Variants in MLLT1 observed in about 807,000 individuals in gnomAD.
The protein encoded by MLLT1 is MLLT1 super elongation complex subunit.
In MLLT1, 11 loss-of-function variants were observed where a neutral mutation model predicts 55.1. The ratio of observed to expected loss-of-function variants is 0.20; its 90% CI spans 0.13 to 0.33. The LOEUF is 0.33. Among genes scored for constraint, MLLT1 ranks in the 10% least tolerant of loss-of-function variants. The probability of loss-of-function intolerance (pLI) is 1.00; values close to 1 mark genes in which losing one functional copy is unlikely to be tolerated. For synonymous variants in MLLT1, 323 were observed against 320.1 expected (o/e 1.01, Z -0.10); for missense variants, 536 against 760.6 (o/e 0.70, Z 3.47).
At chr19:6,214,309 C>T (rs1376771208) in intron 8 of MLLT1, among the ~76,000 whole-genome samples, 2 of 152,222 alleles carry the variant, frequency 1.3e-5, no homozygotes, top group Non-Finnish European at 1.5e-5. Flanking sequence ...GACACAAAGC[C>T]CCCCAGCCAA....
chr19:6,275,818 G>A (rs1600222940), intron 1 of MLLT1, among the ~76,000 whole-genome samples: 1 of 152,320 alleles, frequency 6.6e-6, no homozygotes, highest in Non-Finnish European at 1.5e-5. Context: ...CCCCTTTATA[G>A]GGTCTGCAGA....
Position 6,212,917 on chromosome 19 carries a change from C to T in MLLT1, c.*125G>A, listed in dbSNP as rs544558306. On this transcript the variant is annotated 3_prime_UTR_variant, in exon 12 of 12. Coordinates refer to ENST00000252674, the MANE Select transcript of MLLT1 (RefSeq NM_005934.4). ...GCCGAGGAAAGTGCAGCGGGCTGTG[C>T]GGGCGAGGACAGGGCTGTCGCTAAG... 5.6e-5 allele frequency: 70 copies of T among 1,244,014 alleles called. No individual in the cohort carries two copies. The highest frequency in any genetic ancestry group is 1.2e-4 in the East Asian group (5 of 40,458). The allele number at this position is 1,244,014 out of a possible 1,614,324, so 77.1% of individuals were successfully genotyped here.
At chr19:6,214,085 CCCCCA>C (rs773164940) in intron 8 of MLLT1, 47 bp from the exon 9 acceptor site, 2 of 1,226,452 alleles carry the variant, frequency 1.6e-6, no homozygotes, top group Non-Finnish European at 2.2e-6. Context: ...GCCACCACGG[CCCCCA>C]CCCCACCCCC....
chr19:6,250,112 A>G (rs968225069), intron 3 of MLLT1, among the ~76,000 whole-genome samples: 1 of 152,268 alleles, frequency 6.6e-6, no homozygotes, highest in Non-Finnish European at 1.5e-5. Flanking sequence ...GAATAGACGT[A>G]TCTTCAAAAC....
rs376611350 is a variant in MLLT1, at chr19:6,225,502, G to A, written c.546+1475C>T. On this transcript the variant is annotated intron_variant, in intron 5 of 11. Transcript: ENST00000252674. ...CCATGGTGGGGCCGACAGCTCATTCGCCAGGCTAGGGCTCGGGGCAGAGGG... is the reference window on the plus strand; with the variant it reads ...CCATGGTGGGGCCGACAGCTCATTCACCAGGCTAGGGCTCGGGGCAGAGGG... Among the ~76,000 whole-genome samples the A allele has an allele frequency of 5.9e-5, 9 of 152,302 alleles. No homozygotes were observed. The East Asian group carries it at 1.5e-3, about 26-fold the overall frequency.
At position 6,221,847 on chromosome 19, in the gene MLLT1, G is replaced by A. The variant is rs2090900598; in HGVS notation, c.1110+274C>T. 2.0e-5 allele frequency among the ~76,000 whole-genome samples: 3 copies of A among 152,202 alleles called. No individual in the cohort carries two copies. The South Asian group carries it at 6.2e-4, about 31-fold the overall frequency. ...TGGAGGAGGGGAGCTCAGAACCTCA[G>A]GACCACACCATCATGCTTTACCAGA... On this transcript the variant is annotated intron_variant, in intron 6 of 11. Coordinates refer to ENST00000252674, the MANE Select transcript of MLLT1 (RefSeq NM_005934.4).
At chr19:6,275,365 G>A (rs1254679821) in intron 1 of MLLT1, among the ~76,000 whole-genome samples, 1 of 152,128 alleles carries the variant, frequency 6.6e-6, no homozygotes, top group Non-Finnish European at 1.5e-5. Flanking sequence ...GGCTGAACAC[G>A]TGCACGTGTG....
chr19:6,227,134 TGGGCAGG>T lies in MLLT1; in HGVS notation c.421-39_421-33del, dbSNP rs770347001. 6 of 1,576,254 alleles carry T rather than the reference TGGGCAGG, an allele frequency of 3.8e-6. No homozygotes were observed. Among genetic ancestry groups the T allele is most frequent in the South Asian group, 2.3e-5 (2 of 85,838 alleles). On this transcript the variant is annotated intron_variant, in intron 4 of 11. Transcript: ENST00000252674. This position sits in a 1 kb window ranked among gnomAD's most constrained non-coding sequence, Gnocchi z 5.1. ...ACAGAGAAGAGACAGTCATTATCGA[TGGGCAGG>T]GGGCAGGGGGCCCACACGGGCCGGG...
intron 3 of MLLT1, among the ~76,000 whole-genome samples, chr19:6,242,292 G>A (rs1027595995): frequency 6.6e-5 from 10 of 152,162 alleles, no homozygotes; most frequent in African/African-American, 1.4e-4. Context: ...TGTCATGTGC[G>A]ACTGCCTAGG....
intron 5 of MLLT1, among the ~76,000 whole-genome samples, chr19:6,225,158 C>T (rs59675107): frequency 6.6e-6 from 1 of 152,224 alleles, no homozygotes; most frequent in African/African-American, 2.4e-5. Flanking sequence ...AGGGTCCTGC[C>T]CCCTCTATGA....
intron 2 of MLLT1, among the ~76,000 whole-genome samples, chr19:6,263,956 CA>C: frequency 6.6e-6 from 1 of 151,122 alleles, no homozygotes; most frequent in African/African-American, 2.4e-5. Context: ...AGGGTGGGAG[CA>C]GGGGAGCGAC....
intron 1 of MLLT1, among the ~76,000 whole-genome samples, chr19:6,275,661 G>T (rs978237497): frequency 1.3e-5 from 2 of 152,144 alleles, no homozygotes; most frequent in Admixed American, 1.3e-4. Flanking sequence ...TGGGGCTAGG[G>T]GCCAGCACCT....
Position 6,226,106 on chromosome 19 carries a change from C to T in MLLT1, c.546+871G>A, listed in dbSNP as rs1232697290. ...CATGGCTGACGGTGAGTCTGTGAGG[C>T]AGCTGGAGAGCCCTGCCTGTCCTGC... On this transcript the variant is annotated intron_variant, in intron 5 of 11. Transcript: ENST00000252674. The surrounding 1 kb of genome is among the most constrained non-coding windows in gnomAD (Gnocchi z 6.3). 2.0e-5 allele frequency among the ~76,000 whole-genome samples: 3 copies of T among 152,218 alleles called. No individual in the cohort carries two copies. Among genetic ancestry groups the T allele is most frequent in the Non-Finnish European group, 2.9e-5 (2 of 68,034 alleles).
chr19:6,265,072 A>AAAAAAAAAAAAAAC (rs2091338569), intron 2 of MLLT1, among the ~76,000 whole-genome samples: 1 of 145,324 alleles, frequency 6.9e-6, no homozygotes, highest in African/African-American at 2.5e-5. Context: ...AAACAAAAAA[A>AAAAAAAAAAAAAAC]AACATGATGT....
chr19:6,214,748 G>A (rs2090822112), intron 8 of MLLT1, among the ~76,000 whole-genome samples: 1 of 152,144 alleles, frequency 6.6e-6, no homozygotes, highest in African/African-American at 2.4e-5. Flanking sequence ...CCAGTGAGAG[G>A]GGCCCCTGAC....
At chr19:6,251,088 G>C (rs751744770) in intron 3 of MLLT1, among the ~76,000 whole-genome samples, 2 of 152,110 alleles carry the variant, frequency 1.3e-5, no homozygotes, top group African/African-American at 4.8e-5. Context: ...AGGAACAGTG[G>C]CGATGGGGGG....
chr19:6,217,197 C>A (rs2090853511), intron 7 of MLLT1, among the ~76,000 whole-genome samples: 1 of 152,170 alleles, frequency 6.6e-6, no homozygotes, highest in South Asian at 2.1e-4. Flanking sequence ...CCCCAGCCCC[C>A]TCGGCAACTG....
chr19:6,218,613 G>A (rs114927457), intron 6 of MLLT1, among the ~76,000 whole-genome samples: 2,687 of 152,254 alleles, frequency 0.018, 92 homozygotes, highest in African/African-American at 0.062. Context: ...GGGCAAGCCC[G>A]GCCCCACCCG....
intron 10 of MLLT1, 76 bp from the exon 11 acceptor site, chr19:6,213,484 T>A: frequency 7.7e-7 from 1 of 1,292,076 alleles, no homozygotes; most frequent in East Asian, 2.3e-5. Flanking sequence ...GCCCCACCCA[T>A]GACCCAGTCC....
Sources: gnomAD v4.1 joint callset for allele counts (sites outside exome capture counted in the v4.1 genomes callset) on GRCh38, gnomAD v4.1.1 for gene constraint, Gnocchi (gnomAD v3.1) non-coding constraint, MANE v1.5 for transcripts, NCBI Gene and HGNC (gene_info 2026-07-23, HGNC 2026-07-21) for gene names.